Variants in PDZD2 observed in about 807,000 individuals in gnomAD.
The protein encoded by PDZD2 is PDZ domain-containing protein 2.
Under a neutral mutation model 220.7 loss-of-function variants are expected in PDZD2, and 90 were observed. That is an observed-to-expected ratio of 0.41 (90% CI 0.34 to 0.49). The LOEUF (loss-of-function observed/expected upper bound fraction) is 0.49. PDZD2 is among the 20% of genes least tolerant of loss of function. The probability of loss-of-function intolerance (pLI) is 0.28; values close to 1 mark genes in which losing one functional copy is unlikely to be tolerated. For synonymous variants in PDZD2, 1,375 were observed against 1,450.5 expected, an observed-to-expected ratio of 0.95 and a Z score of 1.18; for missense variants, 3,174 against 3,608.5, an observed-to-expected ratio of 0.88 and a Z score of 3.08.
At chr5:32,107,904 T>C in intron 24 of PDZD2, 65 bp from the exon 25 acceptor site, 1 of 1,093,558 alleles carries the variant, frequency 9.1e-7, no homozygotes, top group Non-Finnish European at 1.3e-6. Flanking sequence ...GTTTTTAGTT[T>C]ACTTAGGATT....
chr5:31,957,748 A>G (rs11950699), intron 2 of PDZD2, among the ~76,000 whole-genome samples: 1 of 152,246 alleles, frequency 6.6e-6, no homozygotes. Context: ...ATTAATGAGC[A>G]TAACAGTGAT....
At chr5:31,671,621 C>T (rs1412603959) in intron 1 of PDZD2, among the ~76,000 whole-genome samples, 1 of 152,212 alleles carries the variant, frequency 6.6e-6, no homozygotes, top group Non-Finnish European at 1.5e-5. Context: ...CATGGTTGCT[C>T]CTGCTGTGAA....
At chr5:31,689,353 A>T (rs202166054) in intron 1 of PDZD2, among the ~76,000 whole-genome samples, 2,591 of 35,266 alleles carry the variant, frequency 0.073, 150 homozygotes, top group Non-Finnish European at 0.083. Context: ...ATATATATAT[A>T]TTTTTTTTTT....
At chr5:31,904,002 GA>G (rs1742393183) in intron 2 of PDZD2, among the ~76,000 whole-genome samples, 1 of 150,786 alleles carries the variant, frequency 6.6e-6, no homozygotes, top group African/African-American at 2.4e-5. Context: ...AAAGTGCTGG[GA>G]TTACAGGCAT....
rs1347412763 is a variant in PDZD2 at position 31,875,078 on chromosome 5, A to C, written c.476+75354A>C. ...ATTAATGTATCACGTCTTGCTTTTTATGCTGCTTATTTTTTCCTTTTGAGA... is the reference window on the plus strand; with the variant it reads ...ATTAATGTATCACGTCTTGCTTTTTCTGCTGCTTATTTTTTCCTTTTGAGA... On this transcript the variant is annotated intron_variant, in intron 2 of 24. Transcript: ENST00000438447. Among the ~76,000 whole-genome samples the C allele has an allele frequency of 8.5e-5, 13 of 152,070 alleles. No homozygotes were observed. The East Asian group carries it at 2.3e-3, about 27-fold the overall frequency.
At chr5:31,902,568 C>T (rs549868446) in intron 2 of PDZD2, among the ~76,000 whole-genome samples, 3 of 150,614 alleles carry the variant, frequency 2.0e-5, no homozygotes, top group South Asian at 2.1e-4. Context: ...CTGCAACCTC[C>T]TCCTCCCAGG....
chr5:31,903,403 T>C (rs559556934), intron 2 of PDZD2, among the ~76,000 whole-genome samples: 43 of 151,916 alleles, frequency 2.8e-4, no homozygotes, highest in African/African-American at 9.6e-4. Flanking sequence ...TCCAAACACT[T>C]TGGGAGGCCA....
intron 6 of PDZD2, among the ~76,000 whole-genome samples, chr5:32,025,097 T>C (rs1754526042): frequency 6.6e-6 from 1 of 152,004 alleles, no homozygotes; most frequent in Admixed American, 6.5e-5. Context: ...TAGAAATATA[T>C]GTCAGCAAAG....
At chr5:31,662,508 G>T (rs1337620713) in intron 1 of PDZD2, among the ~76,000 whole-genome samples, 1 of 152,166 alleles carries the variant, frequency 6.6e-6, no homozygotes, top group Non-Finnish European at 1.5e-5. Flanking sequence ...AGCTCCAGAG[G>T]CTGGAAAGTC....
At chr5:31,689,353 A>ATATATTTTTTT in intron 1 of PDZD2, among the ~76,000 whole-genome samples, 1,611 of 34,972 alleles carry the variant, frequency 0.046, 128 homozygotes, top group Non-Finnish European at 0.05. Flanking sequence ...ATATATATAT[A>ATATATTTTTTT]TTTTTTTTTT....
rs1160607110 is a variant in PDZD2, at chr5:31,660,157, A to G, written c.-361+20720A>G. Among the ~76,000 whole-genome samples, 6 of 152,196 alleles carry G rather than the reference A, an allele frequency of 3.9e-5. No individual in the cohort carries two copies. The South Asian group carries it at 1.2e-3, about 31-fold the overall frequency. Reference sequence around the variant, plus strand: ...AATTCAATAGATTGGAATCATCTGCATATCCTCATTGGCACAATTCAACCT... The same window carrying G: ...AATTCAATAGATTGGAATCATCTGCGTATCCTCATTGGCACAATTCAACCT... On this transcript the variant is annotated intron_variant, in intron 1 of 24. Coordinates refer to ENST00000438447, the MANE Select transcript of PDZD2 (RefSeq NM_178140.4).
chr5:31,727,784 C>T (rs1749257692), intron 1 of PDZD2, among the ~76,000 whole-genome samples: 1 of 151,212 alleles, frequency 6.6e-6, no homozygotes, highest in Non-Finnish European at 1.5e-5. Flanking sequence ...GGGCGGATCA[C>T]GAGGTCAGGA....
rs937069140 is a variant in PDZD2 at position 31,699,290 on chromosome 5, G to C, written c.-361+59853G>C. Among the ~76,000 whole-genome samples, 9 of 152,266 alleles carry C rather than the reference G, an allele frequency of 5.9e-5. No individual in the cohort carries two copies. In the East Asian group the frequency reaches 7.7e-4, roughly 13 times the overall value. On this transcript the variant is annotated intron_variant, in intron 1 of 24. Coordinates refer to ENST00000438447, the MANE Select transcript of PDZD2 (RefSeq NM_178140.4). ...AGGTGGTGGGCGAGGGGTGGGCTAA[G>C]GAATGGCTTCCCAGAGGAAGGAATT...
At chr5:31,906,591 C>T (rs1742679220) in intron 2 of PDZD2, among the ~76,000 whole-genome samples, 1 of 152,072 alleles carries the variant, frequency 6.6e-6, no homozygotes, top group African/African-American at 2.4e-5. Flanking sequence ...CCCTGTAATC[C>T]TCACACTTTG....
At chr5:31,822,683 C>G (rs2150257204) in intron 2 of PDZD2, 1 of 1,316,230 alleles carries the variant, frequency 7.6e-7, no homozygotes, top group Admixed American at 1.8e-5. Context: ...GAAACAAGCT[C>G]AATGTCATTT....
chr5:31,758,492 C>T (rs944725720), intron 1 of PDZD2, among the ~76,000 whole-genome samples: 2 of 152,076 alleles, frequency 1.3e-5, no homozygotes, highest in South Asian at 4.1e-4. Flanking sequence ...GTGGTGTGGG[C>T]GCAGGTTCTA....
At chr5:31,720,778 T>G (rs1748740896) in intron 1 of PDZD2, among the ~76,000 whole-genome samples, 1 of 152,204 alleles carries the variant, frequency 6.6e-6, no homozygotes, top group Non-Finnish European at 1.5e-5. Flanking sequence ...GGACCCTCTC[T>G]GGAAGGGGAG....
At chr5:31,794,715 G>T (rs1371856737) in intron 1 of PDZD2, among the ~76,000 whole-genome samples, 3 of 151,960 alleles carry the variant, frequency 2.0e-5, no homozygotes, top group Admixed American at 6.6e-5. Flanking sequence ...CCCATAGTTG[G>T]TTTCTTTTAA....
chr5:31,985,313 G>T (rs986019518), intron 3 of PDZD2, among the ~76,000 whole-genome samples: 17 of 152,164 alleles, frequency 1.1e-4, no homozygotes, highest in Non-Finnish European at 1.0e-4. Flanking sequence ...GAAGGTTTAA[G>T]GCACCAGGAG....
Sources: allele counts gnomAD v4.1 joint callset (sites outside exome capture counted in the v4.1 genomes callset), GRCh38; gene constraint gnomAD v4.1.1; transcripts MANE v1.5; gene names NCBI Gene and HGNC (gene_info 2026-07-23, HGNC 2026-07-21).